SHC1: variants seen among roughly 807,000 people sequenced by gnomAD.
SHC1 encodes SHC adaptor protein 1, also known as SHC-transforming protein 1.
Under a neutral mutation model 55.9 loss-of-function variants are expected in SHC1, and 30 were observed. That is an observed-to-expected ratio of 0.54 (90% CI 0.40 to 0.73). The LOEUF is 0.73. Among genes scored for constraint, SHC1 ranks in the 30% least tolerant of loss-of-function variants. The pLI is 0.00. For synonymous variants in SHC1, 309 were observed against 306.1 expected (o/e 1.01, Z -0.10); for missense variants, 675 against 777.1 (o/e 0.87, Z 1.56).
At chr1:154,965,802 T>C in intron 10 of SHC1, 21 bp from the exon 11 acceptor site, 1 of 1,597,618 alleles carries the variant, frequency 6.3e-7, no homozygotes, top group East Asian at 2.2e-5. Flanking sequence ...AGAGGGAGGG[T>C]GAGGGGAAGT....
intron 11 of SHC1, chr1:154,964,407 A>T (rs746264690): frequency 1.3e-5 from 5 of 389,722 alleles, no homozygotes; most frequent in Non-Finnish European, 2.5e-5. Flanking sequence ...CAGGTGTGCC[A>T]CCACACCGCA....
At chr1:154,967,949 G>GT in intron 6 of SHC1, 31 bp downstream of exon 6, 1 of 1,613,020 alleles carries the variant, frequency 6.2e-7, no homozygotes, top group Non-Finnish European at 8.5e-7. Context: ...CAAACAGCCA[G>GT]ACCCACCCAG....
At chr1:154,968,070 A>C in intron 5 of SHC1, 39 bp from the exon 6 acceptor site, 1 of 1,609,730 alleles carries the variant, frequency 6.2e-7, no homozygotes, top group Non-Finnish European at 8.5e-7. Flanking sequence ...GTTCTACTTT[A>C]CTCCTGACCC....
chr1:154,966,133 A>C (rs1366642821), intron 9 of SHC1, 29 bp downstream of exon 9: 2 of 1,613,972 alleles, frequency 1.2e-6, no homozygotes, highest in Admixed American at 3.3e-5. Context: ...AACACTCCCC[A>C]GCTCTGCCTA....
intron 2 of SHC1, 126 bp from the exon 3 acceptor site, chr1:154,968,960 T>C (rs1444034851): frequency 3.6e-6 from 3 of 823,806 alleles, no homozygotes; most frequent in Non-Finnish European, 6.3e-6. Context: ...CTCTTTGTCA[T>C]GGTGGATTGA....
chr1:154,968,410 C>G, intron 4 of SHC1, 85 bp downstream of exon 4: 2 of 1,589,974 alleles, frequency 1.3e-6, no homozygotes, highest in Non-Finnish European at 1.7e-6. Flanking sequence ...CTCTCAAGCC[C>G]TCTTCCTAGA....
intron 7 of SHC1, among the ~76,000 whole-genome samples, chr1:154,966,848 A>G (rs759201757): frequency 7.9e-5 from 12 of 152,214 alleles, no homozygotes; most frequent in Non-Finnish European, 1.8e-4. Context: ...CACGCCTATA[A>G]TCCCAACACT....
chr1:154,972,819 G>A (rs1039604542), upstream of SHC1, among the ~76,000 whole-genome samples: 4 of 152,058 alleles, frequency 2.6e-5, no homozygotes, highest in African/African-American at 7.2e-5. Flanking sequence ...TTCCAGCAGG[G>A]AAGGCTGGGC....
At chr1:154,969,901 G>C (rs551588315) in intron 1 of SHC1, 131 bp downstream of exon 1, 1 of 1,041,210 alleles carries the variant, frequency 9.6e-7, no homozygotes, top group African/African-American at 1.6e-5. Context: ...GGATGAGAAA[G>C]GTTTAGGAAA....
Position 154,967,888 on chromosome 1 carries a change from T to C in SHC1, c.857-91A>G. ...CATCTTCCTCTGCAGGAACCCCCAC[T>C]GAGATCTACTTAGAGTGGGTACAGA... On this transcript the variant is annotated intron_variant, in intron 6 of 11. Coordinates refer to ENST00000448116, the MANE Select transcript of SHC1 (RefSeq NM_001130040.2). 3.1e-6 allele frequency: 5 copies of C among 1,601,992 alleles called. No homozygotes were observed. The Admixed American group carries it at 6.7e-5, about 21-fold the overall frequency.
rs375148714 is a variant in SHC1 at position 154,968,020 on chromosome 1, C to G, written c.816G>C (p.Glu272Asp). ...FASGGDPDTA[E>D]YVAYVAKDPV... ...GGTCTTTGGCAACATAGGCGACATA[C>G]TCGGCTGTGTCCTGGGGAGGAAGGT... The change falls in exon 6 of 12, where the codon GAG (glutamate) becomes GAC (aspartate). Residue 272 changes from glutamate (E) to aspartate (D), a missense_variant. This residue lies in a region of SHC1 where 159 missense variants were observed against 246.9 expected (regional missense o/e 0.64). Transcript: ENST00000448116. 6.2e-7 allele frequency: 1 copy of G among 1,614,070 alleles called. No individual in the cohort carries two copies. Among genetic ancestry groups the G allele is most frequent in the African/African-American group, 1.3e-5 (1 of 74,912 alleles).
upstream of SHC1, among the ~76,000 whole-genome samples, chr1:154,971,651 C>G (rs1656759371): frequency 6.6e-6 from 1 of 152,202 alleles, no homozygotes; most frequent in Non-Finnish European, 1.5e-5. Flanking sequence ...TAAGCCCCAC[C>G]AAAGAGCACA....
At chr1:154,964,493 G>GT (rs1199979866) in intron 11 of SHC1, 5 of 353,456 alleles carry the variant, frequency 1.4e-5, no homozygotes, top group Admixed American at 1.2e-4. Flanking sequence ...ACAAACAAAA[G>GT]TTTTTTTGTT....
At position 154,963,852 on chromosome 1, in the gene SHC1, G is replaced by C; in HGVS notation, c.1706C>G (p.Ser569Cys). The change falls in exon 12 of 12, where the codon TCT becomes TGT. Residue 569 changes from serine (S) to cysteine (C), a missense_variant. Physicochemically the swap from Ser to Cys is moderately radical, Grantham distance 112. Coordinates refer to ENST00000448116, the MANE Select transcript of SHC1 (RefSeq NM_001130040.2). The stretch of plus-strand genomic sequence containing the variant: ...CTGTAGACACAGTTCGCTGCCCGCA[G>C]AGATGATGGGCAAGTGATTGTCCAT... ...YHMDNHLPII[S>C]AGSELCLQQP... 4 of 1,614,130 alleles carry C rather than the reference G, an allele frequency of 2.5e-6. No homozygotes were observed. In the South Asian group the frequency reaches 4.4e-5, roughly 18 times the overall value.
In SHC1 at chr1:154,967,669, A is replaced by G. The variant is rs980144820; in HGVS notation, c.983+2T>C. On this transcript the variant is annotated splice_donor_variant, in intron 7 of 11. Coordinates refer to ENST00000448116, the MANE Select transcript of SHC1 (RefSeq NM_001130040.2). LOFTEE classifies it high-confidence loss of function. ...TGCTCCACACTCTCCCCACCTGCTCACCTGTCATGAGGGGTGACCAGTTTG... is the reference window on the plus strand; with the variant it reads ...TGCTCCACACTCTCCCCACCTGCTCGCCTGTCATGAGGGGTGACCAGTTTG... 1 of 1,612,958 alleles carries G rather than the reference A, an allele frequency of 6.2e-7. No individual in the cohort carries two copies. Among genetic ancestry groups the G allele is most frequent in the African/African-American group, 1.3e-5 (1 of 74,728 alleles).
At chr1:154,963,975 A>C in intron 11 of SHC1, 44 bp from the exon 12 acceptor site, 2 of 1,609,730 alleles carry the variant, frequency 1.2e-6, no homozygotes, top group Non-Finnish European at 1.7e-6. Context: ...GTGAAGAGTC[A>C]AATAAGACCT....
chr1:154,968,426 G>A (rs2102110337), intron 4 of SHC1, 69 bp downstream of exon 4: 1 of 1,603,474 alleles, frequency 6.2e-7, no homozygotes. Context: ...CTAGATTTTG[G>A]CCTCCTAACT....
intron 11 of SHC1, chr1:154,964,140 C>T (rs759255205): frequency 1.4e-6 from 1 of 717,298 alleles, no homozygotes; most frequent in Non-Finnish European, 2.6e-6. Context: ...TGAGAAAAGG[C>T]AAAGGCGACA....
chr1:154,969,544 GAAGTA>G, intron 1 of SHC1, 96 bp from the exon 2 acceptor site: 1 of 774,176 alleles, frequency 1.3e-6, no homozygotes, highest in South Asian at 1.5e-5. Context: ...GTCCCTAAGG[GAAGTA>G]AAGAGGAAGA....
Sources: allele counts gnomAD v4.1 joint callset (sites outside exome capture counted in the v4.1 genomes callset), GRCh38; gene constraint gnomAD v4.1.1; regional missense constraint gnomAD v4.1.1; transcripts MANE v1.5; gene names NCBI Gene and HGNC (gene_info 2026-07-23, HGNC 2026-07-21).